The following RTN4 variants were observed in gnomAD, a reference collection of about 807,000 sequenced individuals.
RTN4 encodes the protein reticulon-4.
A neutral mutation model predicts 90.4 loss-of-function variants in RTN4; 32 were observed. That is an observed-to-expected ratio of 0.35 (90% CI 0.27 to 0.48). The LOEUF (loss-of-function observed/expected upper bound fraction) is 0.48, where lower values mean the gene tolerates loss of function less well. RTN4 is among the 20% of genes least tolerant of loss of function. The probability of loss-of-function intolerance (pLI) is 0.99; values close to 1 mark genes in which losing one functional copy is unlikely to be tolerated. For missense variants in RTN4, 1,706 were observed against 1,430.2 expected, an observed-to-expected ratio of 1.19 and a Z score of -3.11; for synonymous variants, 629 against 552.5, an observed-to-expected ratio of 1.14 and a Z score of -1.94.
At chr2:55,133,340 CTT>C in the RTN4 span, among the ~76,000 whole-genome samples, 37,069 of 152,002 alleles carry the variant, frequency 0.24, 5,205 homozygotes, top group East Asian at 0.5. Context: ...GCGGTGTTGT[CTT>C]TTGCTTGTTT....
Position 54,973,861 on chromosome 2 carries a change from A to C in RTN4, c.3437T>G (p.Ile1146Ser), listed in dbSNP as rs1210032777. Residue 1146 changes from isoleucine to serine, a missense_variant, in exon 7 of 9, where the codon ATT becomes AGT. By Grantham distance (142) the Ile-to-Ser change is moderately radical (BLOSUM62 -2). Coordinates refer to ENST00000337526, the MANE Select transcript of RTN4 (RefSeq NM_020532.5). ...NGLTLLILAL[I>S]SLFSVPVIYE... ...AATAACAGGAACACTGAAGAGTGAAATGAGAGCTGAAAAGGGAAATATACA... is the reference window on the plus strand; with the variant it reads ...AATAACAGGAACACTGAAGAGTGAACTGAGAGCTGAAAAGGGAAATATACA... 4 of 1,612,712 alleles carry C rather than the reference A, an allele frequency of 2.5e-6. No individual in the cohort carries two copies. In the Admixed American group the frequency reaches 6.7e-5, roughly 27 times the overall value.
At chr2:55,089,802 A>G (rs2920862) in intron 1 of RTN4, among the ~76,000 whole-genome samples, 46,144 of 151,958 alleles carry the variant, frequency 0.3, 7,493 homozygotes, top group East Asian at 0.59. Context: ...CCTGGGGAGG[A>G]GGTCTTATTC....
chr2:55,102,876 T>C (rs952431208), intron 1 of RTN4, among the ~76,000 whole-genome samples: 10 of 152,050 alleles, frequency 6.6e-5, no homozygotes, highest in Non-Finnish European at 1.0e-4. Context: ...CCCAGCACTT[T>C]GGGAGGCTGA....
rs993725390 is a variant in RTN4 at position 55,003,171 on chromosome 2, A to T, written c.3014-15473T>A. On this transcript the variant is annotated intron_variant, in intron 3 of 8. Transcript: ENST00000337526. ...ATTACTAGTTCAAAACACAGAATGA[A>T]CCTCACTAGTAAGTAAATCAGTTAT... Among the ~76,000 whole-genome samples, 23 of 152,302 alleles carry T rather than the reference A, an allele frequency of 1.5e-4. 1 individual carries two copies. The East Asian group carries it at 4.2e-3, about 28-fold the overall frequency.
intron 1 of RTN4, among the ~76,000 whole-genome samples, chr2:55,108,005 G>A (rs1461907071): frequency 6.6e-6 from 1 of 151,644 alleles, no homozygotes; most frequent in African/African-American, 2.4e-5. Context: ...AGCCCAGGCT[G>A]GAGTGCAGTG....
At chr2:54,990,609 CT>C (rs1471750005) in intron 3 of RTN4, among the ~76,000 whole-genome samples, 2 of 151,984 alleles carry the variant, frequency 1.3e-5, no homozygotes, top group African/African-American at 2.4e-5. Context: ...AAATTTCAAA[CT>C]TATTATTAAC....
chr2:54,979,584 C>G (rs1437205670), intron 5 of RTN4, among the ~76,000 whole-genome samples: 1 of 152,142 alleles, frequency 6.6e-6, no homozygotes, highest in Non-Finnish European at 1.5e-5. Context: ...CTGTACTACT[C>G]ATATACAATG....
chr2:55,002,127 T>C (rs1010119093), intron 3 of RTN4, among the ~76,000 whole-genome samples: 2 of 152,084 alleles, frequency 1.3e-5, no homozygotes, highest in African/African-American at 4.8e-5. Context: ...GGCATCATCA[T>C]AGCTCACTGC....
intron 1 of RTN4, among the ~76,000 whole-genome samples, chr2:55,104,025 C>A (rs1407061245): frequency 6.6e-6 from 1 of 151,410 alleles, no homozygotes; most frequent in South Asian, 2.1e-4. Context: ...TAAATTGTAC[C>A]TCAATAAAGT....
chr2:55,125,961 C>T, the RTN4 span, among the ~76,000 whole-genome samples: 1 of 150,208 alleles, frequency 6.7e-6, no homozygotes, highest in Admixed American at 6.7e-5. Flanking sequence ...CTTGGGAGGC[C>T]GAGGCGGGAG....
At chr2:55,027,574 T>A in intron 2 of RTN4, 89 bp from the exon 3 acceptor site, 1 of 1,343,060 alleles carries the variant, frequency 7.4e-7, no homozygotes. Flanking sequence ...ATAGTGTTAG[T>A]AAAGACTTAC....
intron 5 of RTN4, among the ~76,000 whole-genome samples, chr2:54,980,032 A>T (rs1157336321): frequency 6.6e-6 from 1 of 152,214 alleles, no homozygotes; most frequent in Non-Finnish European, 1.5e-5. Context: ...CAAGTGTTCC[A>T]GAAAGGAAAT....
intron 1 of RTN4, among the ~76,000 whole-genome samples, chr2:55,038,563 A>T (rs1682849333): frequency 6.6e-6 from 1 of 152,258 alleles, no homozygotes; most frequent in Non-Finnish European, 1.5e-5. Flanking sequence ...GATTAAGACC[A>T]CAATGAGGAA....
chr2:55,021,884 T>G, intron 3 of RTN4, among the ~76,000 whole-genome samples: 1 of 152,262 alleles, frequency 6.6e-6, no homozygotes, highest in Non-Finnish European at 1.5e-5. Context: ...CTCTATTCCC[T>G]AGTAAGTTGC....
In RTN4 at chr2:55,002,943, A is replaced by C. The variant is rs551890392; in HGVS notation, c.3014-15245T>G. ...TAGAAAATAAACTGGTTCAATGTAT[A>C]ATTTACTATAGTTTAAATTTTCCTT... On this transcript the variant is annotated intron_variant, in intron 3 of 8. Transcript: ENST00000337526. 2.6e-5 allele frequency among the ~76,000 whole-genome samples: 4 copies of C among 152,332 alleles called. No individual in the cohort carries two copies. The East Asian group carries it at 7.7e-4, about 29-fold the overall frequency.
At chr2:55,114,439 T>C (rs2920846), upstream of RTN4, among the ~76,000 whole-genome samples, 148,345 of 152,346 alleles carry the variant, frequency 0.97, 72,270 homozygotes, top group African/African-American at 0.99. Context: ...TGGCTCACAC[T>C]TGTAATCCCA....
At chr2:54,997,259 C>A (rs893421786) in intron 3 of RTN4, among the ~76,000 whole-genome samples, 1 of 152,106 alleles carries the variant, frequency 6.6e-6, no homozygotes, top group Non-Finnish European at 1.5e-5. Flanking sequence ...AAAAAATACT[C>A]AACATCATTT....
chr2:55,114,900 G>A (rs1311535152), upstream of RTN4, among the ~76,000 whole-genome samples: 1 of 152,000 alleles, frequency 6.6e-6, no homozygotes, highest in Non-Finnish European at 1.5e-5. Context: ...GGGTGCATCA[G>A]CTTAAAGATG....
Position 54,973,085 on chromosome 2 carries a change from T to G in RTN4, c.*71A>C. 1 of 1,332,922 alleles carries G rather than the reference T, an allele frequency of 7.5e-7. No homozygotes were observed. The highest frequency in any genetic ancestry group is 1.1e-6 in the Non-Finnish European group (1 of 937,118). 82.6% of individuals were successfully genotyped at this position (1,332,922 alleles called of 1,614,324 possible). On this transcript the variant is annotated 3_prime_UTR_variant, in exon 9 of 9. Transcript: ENST00000337526. ...TGCAACGTCAAGGTTCGTTCTTCCC[T>G]GACCCTCCCCCGTATAATCAAATGA...
Sources: allele counts gnomAD v4.1 joint callset (sites outside exome capture counted in the v4.1 genomes callset), GRCh38; gene constraint gnomAD v4.1.1; transcripts MANE v1.5; gene names NCBI Gene and HGNC (gene_info 2026-07-23, HGNC 2026-07-21).